Variants in ZCCHC7 observed in about 807,000 individuals in gnomAD.
The protein encoded by ZCCHC7 is zinc finger CCHC domain-containing protein 7.
In ZCCHC7, 35 loss-of-function variants were observed where a neutral mutation model predicts 52.0. The ratio of observed to expected loss-of-function variants is 0.67; its 90% confidence interval spans 0.51 to 0.89. The LOEUF is 0.89. Among genes scored for constraint, ZCCHC7 ranks in the 40% least tolerant of loss-of-function variants. The pLI, the probability that ZCCHC7 is intolerant of heterozygous loss-of-function variation, is 0.00. For missense variants in ZCCHC7, 574 were observed against 649.1 expected, an observed-to-expected ratio of 0.88 and a Z score of 1.26; for synonymous variants, 217 against 221.5, an observed-to-expected ratio of 0.98 and a Z score of 0.18.
intron 6 of ZCCHC7, among the ~76,000 whole-genome samples, chr9:37,343,054 G>A (rs528074651): frequency 2.0e-5 from 3 of 152,260 alleles, no homozygotes; most frequent in African/African-American, 7.2e-5. Flanking sequence ...CATGCGCATA[G>A]CCATACACTT....
At chr9:37,158,662 CTT>C (rs561879667) in intron 2 of ZCCHC7, among the ~76,000 whole-genome samples, 1 of 147,850 alleles carries the variant, frequency 6.8e-6, no homozygotes, top group African/African-American at 2.5e-5. Flanking sequence ...GGTGGATTGA[CTT>C]TTTTTTTTAA....
chr9:37,237,584 T>C (rs1825709714), intron 2 of ZCCHC7, among the ~76,000 whole-genome samples: 1 of 152,262 alleles, frequency 6.6e-6, no homozygotes, highest in African/African-American at 2.4e-5. Flanking sequence ...ATGTCTTGTA[T>C]TTATTTTGTA....
At chr9:37,263,138 A>C (rs1041148792) in intron 2 of ZCCHC7, among the ~76,000 whole-genome samples, 33 of 152,120 alleles carry the variant, frequency 2.2e-4, no homozygotes, top group African/African-American at 7.5e-4. Context: ...TTAATTCTCT[A>C]TTCTTCAATT....
At chr9:37,231,658 A>T (rs535768440) in intron 2 of ZCCHC7, among the ~76,000 whole-genome samples, 126 of 151,826 alleles carry the variant, frequency 8.3e-4, no homozygotes, top group Middle Eastern at 3.4e-3. Flanking sequence ...GTTTTTCTCC[A>T]TTTTTTTTCA....
Position 37,179,083 on chromosome 9 carries a change from A to G in ZCCHC7, c.610+52141A>G, listed in dbSNP as rs143582454. ...CTTTTCCGTAGTATCTTGATCTTCA[A>G]AATAACCAGGCATGCTATTTACATG... is the stretch of plus-strand genomic sequence containing the variant. On this transcript the variant is annotated intron_variant, in intron 2 of 8. Transcript: ENST00000336755. 3.0e-3 allele frequency among the ~76,000 whole-genome samples: 464 copies of G among 152,312 alleles called. 2 individuals are homozygous for G. Among genetic ancestry groups the G allele is most frequent in the East Asian group, 0.021 (110 of 5,186 alleles).
At chr9:37,325,089 CT>C (rs1830188728) in intron 5 of ZCCHC7, among the ~76,000 whole-genome samples, 3 of 152,206 alleles carry the variant, frequency 2.0e-5, no homozygotes. Flanking sequence ...GTGTGGCAAA[CT>C]GTGTTGATTC....
At chr9:37,269,618 CAAAAAAAAAAAAAAA>C (rs1170865355) in intron 2 of ZCCHC7, among the ~76,000 whole-genome samples, 30 of 27,232 alleles carry the variant, frequency 1.1e-3, no homozygotes, top group Middle Eastern at 0.033. Context: ...GACTCTGTCT[CAAAAAAAAAAAAAAA>C]AAAAAAAAAA....
At chr9:37,131,638 CTT>C (rs1175004694) in intron 2 of ZCCHC7, among the ~76,000 whole-genome samples, 1 of 152,016 alleles carries the variant, frequency 6.6e-6, no homozygotes, top group Non-Finnish European at 1.5e-5. Context: ...GAGTGAGACT[CTT>C]GTCTCAAAAA....
intron 2 of ZCCHC7, among the ~76,000 whole-genome samples, chr9:37,180,542 T>C (rs1022791041): frequency 6.6e-6 from 1 of 152,300 alleles, no homozygotes; most frequent in Non-Finnish European, 1.5e-5. Flanking sequence ...TTTTGAATGC[T>C]GTATTTACTT....
chr9:37,262,543 T>G (rs1826917666), intron 2 of ZCCHC7, among the ~76,000 whole-genome samples: 1 of 152,206 alleles, frequency 6.6e-6, no homozygotes, highest in Non-Finnish European at 1.5e-5. Context: ...TCCCCTTGTT[T>G]GCAAAGAAAG....
At chr9:37,286,010 A>G (rs1828192079) in intron 2 of ZCCHC7, among the ~76,000 whole-genome samples, 1 of 152,232 alleles carries the variant, frequency 6.6e-6, no homozygotes, top group Non-Finnish European at 1.5e-5. Context: ...TCATATCCAT[A>G]TCAGAATATA....
intron 2 of ZCCHC7, among the ~76,000 whole-genome samples, chr9:37,154,472 A>T (rs1242278053): frequency 6.6e-6 from 1 of 152,114 alleles, no homozygotes; most frequent in Non-Finnish European, 1.5e-5. Flanking sequence ...TCTATCAGTT[A>T]ATTAGAGATT....
chr9:37,315,422 T>C (rs1002734305), intron 5 of ZCCHC7, among the ~76,000 whole-genome samples: 17 of 124,042 alleles, frequency 1.4e-4, no homozygotes, highest in African/African-American at 5.9e-4. Flanking sequence ...CTACTAATTG[T>C]TGACTTGATA....
At chr9:37,241,763 G>A (rs1482762996) in intron 2 of ZCCHC7, among the ~76,000 whole-genome samples, 3 of 151,680 alleles carry the variant, frequency 2.0e-5, no homozygotes, top group Non-Finnish European at 3.0e-5. Flanking sequence ...AGATACTAAA[G>A]TGCCAGGCTG....
intron 2 of ZCCHC7, among the ~76,000 whole-genome samples, chr9:37,147,632 A>G (rs1843492100): frequency 6.6e-6 from 1 of 151,986 alleles, no homozygotes; most frequent in Non-Finnish European, 1.5e-5. Context: ...AATTTCCTGC[A>G]GTGCACATGA....
chr9:37,226,224 AATC>A (rs569166196), intron 2 of ZCCHC7, among the ~76,000 whole-genome samples: 160 of 152,350 alleles, frequency 1.1e-3, no homozygotes, highest in African/African-American at 3.6e-3. Context: ...TATTAATAGT[AATC>A]ATAGCAAAAA....
intron 2 of ZCCHC7, among the ~76,000 whole-genome samples, chr9:37,288,587 C>G (rs376562801): frequency 1.3e-5 from 2 of 152,028 alleles, no homozygotes; most frequent in Non-Finnish European, 2.9e-5. Flanking sequence ...TCTTTTTAAT[C>G]CAGCCAGGTT....
At chr9:37,305,510 A>G in intron 4 of ZCCHC7, 34 bp from the exon 5 acceptor site, 2 of 1,610,432 alleles carry the variant, frequency 1.2e-6, no homozygotes, top group Non-Finnish European at 1.7e-6. Context: ...ACCTTTTGAG[A>G]CTGAAGAGAT....
At chr9:37,292,449 T>A (rs1322022433) in intron 2 of ZCCHC7, among the ~76,000 whole-genome samples, 1 of 152,202 alleles carries the variant, frequency 6.6e-6, no homozygotes, top group Non-Finnish European at 1.5e-5. Context: ...ATTAAAATGT[T>A]GTGTAAGAAG....
Sources: gnomAD v4.1 joint callset for allele counts (sites outside exome capture counted in the v4.1 genomes callset) on GRCh38, gnomAD v4.1.1 for gene constraint, MANE v1.5 for transcripts, NCBI Gene and HGNC (gene_info 2026-07-23, HGNC 2026-07-21) for gene names.